LRP1B: variants seen among roughly 807,000 people sequenced by gnomAD.
The protein encoded by LRP1B is LDL receptor related protein 1B, also known as low-density lipoprotein receptor-related protein 1B.
Under a neutral mutation model 556.6 loss-of-function variants are expected in LRP1B, and 217 were observed. The observed-to-expected ratio is 0.39, with a 90% CI of 0.35 to 0.44. The LOEUF is 0.44. LRP1B is among the 20% of genes least tolerant of loss of function. The pLI, the probability that LRP1B is intolerant of heterozygous loss-of-function variation, is 1.00. For missense variants in LRP1B, 5,053 were observed against 5,620.8 expected, an observed-to-expected ratio of 0.90 and a Z score of 3.23; for synonymous variants, 2,047 against 1,865.8, an observed-to-expected ratio of 1.10 and a Z score of -2.50.
intron 35 of LRP1B, among the ~76,000 whole-genome samples, chr2:140,752,568 G>T (rs532291913): frequency 6.6e-6 from 1 of 152,008 alleles, no homozygotes; most frequent in Non-Finnish European, 1.5e-5. Context: ...CAAGTCATCC[G>T]CCTGCCTGGG....
intron 3 of LRP1B, among the ~76,000 whole-genome samples, chr2:141,316,065 A>C (rs1573795207): frequency 1.3e-5 from 2 of 151,658 alleles, no homozygotes; most frequent in East Asian, 3.9e-4. Flanking sequence ...CTTTTCAGGG[A>C]ATTTGAACAA....
chr2:141,599,139 G>A (rs1340907889), intron 2 of LRP1B, among the ~76,000 whole-genome samples: 1 of 129,292 alleles, frequency 7.7e-6, no homozygotes, highest in African/African-American at 3.0e-5. Flanking sequence ...ACTCCACAAA[G>A]GGCTGCATTT....
intron 6 of LRP1B, among the ~76,000 whole-genome samples, chr2:141,189,700 T>C (rs1681416470): frequency 6.6e-6 from 1 of 152,002 alleles, no homozygotes; most frequent in Non-Finnish European, 1.5e-5. Flanking sequence ...TAGCCAAATT[T>C]AACAAGTGAC....
At chr2:140,290,596 G>A (rs1353168366) in intron 84 of LRP1B, among the ~76,000 whole-genome samples, 3 of 152,022 alleles carry the variant, frequency 2.0e-5, no homozygotes, top group East Asian at 1.9e-4. Flanking sequence ...GGCTCTGTTC[G>A]AATAATTGAC....
At position 140,776,223 on chromosome 2, in the gene LRP1B, C is replaced by A. The variant is rs1689493644; in HGVS notation, c.5375G>T (p.Trp1792Leu). The A allele has an allele frequency of 6.3e-7, 1 of 1,593,238 alleles. No homozygotes were observed. Among genetic ancestry groups the A allele is most frequent in the Non-Finnish European group, 8.5e-7 (1 of 1,170,900 alleles). The change falls in exon 33 of 91, where the codon TGG becomes TTG. Residue 1792 changes from tryptophan to leucine, a missense_variant. By Grantham distance (61) the Trp-to-Leu change is moderately conservative. Around this residue, in one of 5 missense-constraint regions of LRP1B, gnomAD observed 3,619 missense variants for 3,931.9 expected, o/e 0.92. Coordinates refer to ENST00000389484, the MANE Select transcript of LRP1B (RefSeq NM_018557.3). ...TAGCTGGGCTAAGTTTTGGTCTGCC[C>A]ACCACAGTTTCTTATCTAGAAAAAG... ...ALTIMDKKLW[W>L]ADQNLAQLGT...
chr2:140,916,059 G>A (rs941494964), intron 21 of LRP1B, among the ~76,000 whole-genome samples: 1 of 152,034 alleles, frequency 6.6e-6, no homozygotes, highest in Non-Finnish European at 1.5e-5. Context: ...AAGTCACTGG[G>A]AGGAATCAAG....
At chr2:142,063,171 C>T (rs1345245156) in intron 1 of LRP1B, among the ~76,000 whole-genome samples, 13 of 151,112 alleles carry the variant, frequency 8.6e-5, no homozygotes, top group Non-Finnish European at 4.4e-5. Context: ...TGGATGATAA[C>T]AGATCATGAA....
chr2:141,278,646 G>C (rs535754323), intron 3 of LRP1B, among the ~76,000 whole-genome samples: 78 of 152,158 alleles, frequency 5.1e-4, no homozygotes, highest in African/African-American at 1.9e-3. Context: ...TTCACCTAGG[G>C]AATACTTTGC....
chr2:140,360,465 ACTTT>A (rs1435870380), intron 72 of LRP1B, among the ~76,000 whole-genome samples: 5 of 151,360 alleles, frequency 3.3e-5, no homozygotes, highest in African/African-American at 4.8e-5. Context: ...TCCTATCTTT[ACTTT>A]CTATTTTCTA....
intron 1 of LRP1B, among the ~76,000 whole-genome samples, chr2:141,937,249 C>T (rs147880858): frequency 0.037 from 5,578 of 151,548 alleles, 149 homozygotes; most frequent in Middle Eastern, 0.069. Flanking sequence ...TGGTGGTGGG[C>T]GCCTGTAGTC....
At chr2:142,027,956 T>A (rs1025368925) in intron 1 of LRP1B, among the ~76,000 whole-genome samples, 2 of 152,038 alleles carry the variant, frequency 1.3e-5, no homozygotes, top group Admixed American at 1.3e-4. Context: ...TCTTGGTGAA[T>A]GTTGATTGAG....
At chr2:140,923,193 G>T in intron 20 of LRP1B, 46 bp from the exon 21 acceptor site, 2 of 1,424,550 alleles carry the variant, frequency 1.4e-6, no homozygotes, top group South Asian at 1.3e-5. Flanking sequence ...GGCAAGACAG[G>T]AGAGAAATTA....
At chr2:141,192,648 G>T (rs1382392493) in intron 6 of LRP1B, among the ~76,000 whole-genome samples, 1 of 151,484 alleles carries the variant, frequency 6.6e-6, no homozygotes, top group African/African-American at 2.4e-5. Flanking sequence ...TTCCTTTGAA[G>T]TGGCTCTTAT....
At chr2:140,629,440 T>C (rs1320016980) in intron 41 of LRP1B, among the ~76,000 whole-genome samples, 1 of 152,270 alleles carries the variant, frequency 6.6e-6, no homozygotes, top group South Asian at 2.1e-4. Context: ...AAAAGTCTAC[T>C]TCTAGGAATT....
intron 2 of LRP1B, among the ~76,000 whole-genome samples, chr2:141,674,204 C>A (rs575441066): frequency 6.6e-6 from 1 of 152,130 alleles, no homozygotes; most frequent in East Asian, 1.9e-4. Context: ...AATATCAACC[C>A]ATTTTTCATT....
In LRP1B at chr2:140,456,488, A is replaced by G; in HGVS notation, c.9930T>C (p.Asn3310=). The G allele has an allele frequency of 1.2e-6, 2 of 1,613,464 alleles. No homozygotes were observed. The highest frequency in any genetic ancestry group is 1.7e-5 in the Admixed American group (1 of 59,922). ...CPTNFYLAAD[N]RTCLSNCTAS... ...CTGTGCAGTTGGATAAGCAAGTCCT[A>G]TTATCAGCTGCCAGATAGAAGTTAG... The change falls in exon 62 of 91, where the codon AAT becomes AAC. Residue 3310 remains asparagine, a synonymous_variant. Coordinates refer to ENST00000389484, the MANE Select transcript of LRP1B (RefSeq NM_018557.3).
chr2:140,372,780 G>A (rs1331982486), intron 69 of LRP1B, among the ~76,000 whole-genome samples: 1 of 151,942 alleles, frequency 6.6e-6, no homozygotes, highest in Non-Finnish European at 1.5e-5. Flanking sequence ...ATCAAATTTG[G>A]GGAAATTATG....
At chr2:140,780,347 A>T (rs187198145) in intron 32 of LRP1B, among the ~76,000 whole-genome samples, 1 of 152,322 alleles carries the variant, frequency 6.6e-6, no homozygotes, top group Admixed American at 6.5e-5. Context: ...CCTGAAGTGT[A>T]GAATTGAGGG....
chr2:141,406,535 GTATCTATCTATCATC>G (rs1690640763), intron 3 of LRP1B, among the ~76,000 whole-genome samples: 2 of 145,552 alleles, frequency 1.4e-5, no homozygotes, highest in Middle Eastern at 3.5e-3. Context: ...CAGGTGTAGA[GTATCTATCTATCATC>G]TATCTATCTA....
Sources: gnomAD v4.1 joint callset for allele counts (sites outside exome capture counted in the v4.1 genomes callset) on GRCh38, gnomAD v4.1.1 for gene constraint, gnomAD v4.1.1 regional missense constraint, MANE v1.5 for transcripts, NCBI Gene and HGNC (gene_info 2026-07-23, HGNC 2026-07-21) for gene names.